PCDH15: variants seen among roughly 807,000 people sequenced by gnomAD.
PCDH15 encodes the protein protocadherin-15.
A neutral mutation model predicts 178.5 loss-of-function variants in PCDH15; 129 were observed. The observed-to-expected ratio is 0.72, with a 90% CI of 0.63 to 0.84. The LOEUF is 0.84. Among genes scored for constraint, PCDH15 ranks in the 40% least tolerant of loss-of-function variants. The pLI, the probability that PCDH15 is intolerant of heterozygous loss-of-function variation, is 0.00. For missense variants in PCDH15, 2,230 were observed against 2,099.9 expected, an observed-to-expected ratio of 1.06 and a Z score of -1.21; for synonymous variants, 800 against 732.0, an observed-to-expected ratio of 1.09 and a Z score of -1.50.
intron 1 of PCDH15, among the ~76,000 whole-genome samples, chr10:54,696,267 A>C (rs1244220204): frequency 6.6e-6 from 1 of 152,088 alleles, no homozygotes; most frequent in Admixed American, 6.6e-5. Flanking sequence ...TAATACCTAC[A>C]GATGTGGTAG....
chr10:54,763,199 G>T (rs1302587037), intron 1 of PCDH15, among the ~76,000 whole-genome samples: 1 of 152,056 alleles, frequency 6.6e-6, no homozygotes, highest in South Asian at 2.1e-4. Flanking sequence ...GGGTAATACC[G>T]GGGAAAAAGA....
At chr10:54,189,384 C>G in intron 11 of PCDH15, 1 of 1,552,766 alleles carries the variant, frequency 6.4e-7, no homozygotes, top group Non-Finnish European at 8.7e-7. Context: ...CTGGGTGGAA[C>G]CTATACGCAA....
chr10:54,695,923 T>A (rs905308141), intron 1 of PCDH15, among the ~76,000 whole-genome samples: 4 of 152,050 alleles, frequency 2.6e-5, no homozygotes, highest in African/African-American at 9.7e-5. Context: ...ATGCACCTAG[T>A]CACCCATAAG....
intron 18 of PCDH15, among the ~76,000 whole-genome samples, chr10:54,040,304 C>T (rs940248168): frequency 6.6e-6 from 1 of 151,826 alleles, no homozygotes; most frequent in Admixed American, 6.6e-5. Flanking sequence ...TTCCTCCATA[C>T]TGTTCTCTTG....
chr10:55,040,494 TACAACA>T lies in PCDH15; in HGVS notation c.-80+126076_-80+126081del, dbSNP rs71461272. The stretch of plus-strand genomic sequence containing the variant: ...TGAATCAAAAAAAAACCAAAACAAC[TACAACA>T]ACAACAACAACAACAACAACAACAA... On this transcript the variant is annotated intron_variant, in intron 2 of 5. Coordinates refer to the PCDH15 transcript ENST00000458638. Among the ~76,000 whole-genome samples the T allele has an allele frequency of 7.8e-4, 117 of 149,842 alleles. 1 individual carries two copies. The East Asian group carries it at 0.018, about 24-fold the overall frequency.
At chr10:53,819,399 C>CT (rs2076175437) in intron 33 of PCDH15, among the ~76,000 whole-genome samples, 1 of 151,806 alleles carries the variant, frequency 6.6e-6, no homozygotes, top group African/African-American at 2.4e-5. Context: ...TATTGCTTGT[C>CT]TTGGCTCAAA....
chr10:54,709,529 C>A (rs1480548872), intron 1 of PCDH15, among the ~76,000 whole-genome samples: 1 of 146,518 alleles, frequency 6.8e-6, no homozygotes, highest in African/African-American at 2.5e-5. Context: ...GACAGGGGGT[C>A]TTTAGTATAT....
intron 8 of PCDH15, among the ~76,000 whole-genome samples, chr10:54,257,403 C>CTTCTT (rs1554862389): frequency 7.9e-6 from 1 of 126,024 alleles, no homozygotes. Context: ...GAATTGTCTT[C>CTTCTT]TTTTTTTTTT....
chr10:54,751,132 T>G (rs1424465847), intron 1 of PCDH15, among the ~76,000 whole-genome samples: 18 of 152,138 alleles, frequency 1.2e-4, no homozygotes. Flanking sequence ...TATTACAATA[T>G]TTTATATTTG....
chr10:55,386,820 T>C (rs1237883563), intron 2 of PCDH15, among the ~76,000 whole-genome samples: 2 of 152,126 alleles, frequency 1.3e-5, no homozygotes, highest in Non-Finnish European at 2.9e-5. Flanking sequence ...AAGTGGTATG[T>C]AATGCGTGGC....
chr10:55,528,618 GTCTTTCATTGT>G (rs1841367481), intron 2 of PCDH15, among the ~76,000 whole-genome samples: 1 of 152,058 alleles, frequency 6.6e-6, no homozygotes, highest in Non-Finnish European at 1.5e-5. Context: ...TCTTAATCCA[GTCTTTCATTGT>G]TGGACATTTG....
At position 54,317,320 on chromosome 10, in the gene PCDH15, T is replaced by A; in HGVS notation, c.827A>T (p.Asp276Val). 6.2e-7 allele frequency: 1 copy of A among 1,613,896 alleles called. No individual in the cohort carries two copies. Among genetic ancestry groups the A allele is most frequent in the Non-Finnish European group, 8.5e-7 (1 of 1,179,898 alleles). ...LPCVLVPNTRDCRPLTYQAAI... is the reference protein window; with the variant it reads ...LPCVLVPNTRVCRPLTYQAAI... Reference sequence around the variant, plus strand: ...AGCTTGATAAGTGAGTGGACGGCAATCACGAGTGTTTGGCACAAGGACACA... The same window carrying A: ...AGCTTGATAAGTGAGTGGACGGCAAACACGAGTGTTTGGCACAAGGACACA... The change falls in exon 8 of 38, where the codon GAT becomes GTT. Residue 276 changes from aspartate to valine, a missense_variant. Asp to Val is a radical substitution (Grantham distance 152). Coordinates refer to ENST00000644397, the MANE Select transcript of PCDH15 (RefSeq NM_001384140.1).
intron 18 of PCDH15, among the ~76,000 whole-genome samples, chr10:54,034,924 G>A (rs1042913061): frequency 3.3e-5 from 5 of 151,744 alleles, no homozygotes; most frequent in Admixed American, 6.6e-5. Context: ...AAAAGGGCCA[G>A]GTACTTTATT....
chr10:54,460,114 C>G (rs1441996922), intron 3 of PCDH15, among the ~76,000 whole-genome samples: 1 of 151,990 alleles, frequency 6.6e-6, no homozygotes, highest in Non-Finnish European at 1.5e-5. Flanking sequence ...ATCAGTTGAA[C>G]TAAAACAGAA....
intron 37 of PCDH15, among the ~76,000 whole-genome samples, chr10:53,807,361 A>C (rs1841258323): frequency 6.6e-6 from 1 of 152,130 alleles, no homozygotes; most frequent in African/African-American, 2.4e-5. Flanking sequence ...TGAGTTGGAA[A>C]GCAGACATTT....
At chr10:54,655,946 C>A (rs1380161842) in intron 2 of PCDH15, 2 of 152,120 alleles carry the variant, frequency 1.3e-5, no homozygotes, top group African/African-American at 4.8e-5. Context: ...TCATCCCTTT[C>A]TAAATGGCAT....
intron 2 of PCDH15, among the ~76,000 whole-genome samples, chr10:55,484,852 A>AC (rs1840263681): frequency 6.6e-6 from 1 of 151,618 alleles, no homozygotes; most frequent in Non-Finnish European, 1.5e-5. Context: ...ATAAAACTAG[A>AC]CCCCTGTCTC....
intron 2 of PCDH15, among the ~76,000 whole-genome samples, chr10:54,657,440 A>G (rs1264690615): frequency 2.0e-5 from 3 of 152,144 alleles, no homozygotes; most frequent in Non-Finnish European, 2.9e-5. Flanking sequence ...TGGACTGGAG[A>G]GTAAAATAGA....
chr10:55,184,790 T>C (rs1459643646), intron 1 of PCDH15, among the ~76,000 whole-genome samples: 2 of 152,000 alleles, frequency 1.3e-5, no homozygotes, highest in African/African-American at 4.8e-5. Context: ...CTAAGATTTA[T>C]GACACATGCA....
Sources: gnomAD v4.1 joint callset for allele counts (sites outside exome capture counted in the v4.1 genomes callset) on GRCh38, gnomAD v4.1.1 for gene constraint, MANE v1.5 for transcripts, NCBI Gene and HGNC (gene_info 2026-07-23, HGNC 2026-07-21) for gene names.